CCDC125: variants seen among roughly 807,000 people sequenced by gnomAD.
The protein encoded by CCDC125 is coiled-coil domain containing 125.
In CCDC125, 43 loss-of-function variants were observed where a neutral mutation model predicts 57.4. The observed-to-expected ratio is 0.75, with a 90% CI of 0.59 to 0.97. The LOEUF (loss-of-function observed/expected upper bound fraction) is 0.97, where lower values mean the gene tolerates loss of function less well. Among genes scored for constraint, CCDC125 ranks in the 50% least tolerant of loss-of-function variants. The pLI, the probability that CCDC125 is intolerant of heterozygous loss-of-function variation, is 0.00. For synonymous variants in CCDC125, 187 were observed against 195.2 expected (o/e 0.96, Z 0.35); for missense variants, 563 against 595.7 (o/e 0.95, Z 0.57).
At chr5:69,324,684 A>C (rs1202831497) in intron 1 of CCDC125, among the ~76,000 whole-genome samples, 1 of 152,222 alleles carries the variant, frequency 6.6e-6, no homozygotes, top group Non-Finnish European at 1.5e-5. Context: ...TTTCCGATAT[A>C]TGCAATGAAT....
At chr5:69,279,499 C>G (rs1309491762), downstream of CCDC125, among the ~76,000 whole-genome samples, 3 of 152,122 alleles carry the variant, frequency 2.0e-5, no homozygotes, top group African/African-American at 7.2e-5. Context: ...CCCGGCCGCT[C>G]ATGCAGTTCT....
intron 10 of CCDC125, among the ~76,000 whole-genome samples, chr5:69,290,066 A>G (rs1255043370): frequency 6.6e-6 from 1 of 151,926 alleles, no homozygotes; most frequent in African/African-American, 2.4e-5. Context: ...TGTAGCTTCT[A>G]TGATCTGCAT....
the CCDC125 span, among the ~76,000 whole-genome samples, chr5:69,274,667 G>A: frequency 4.6e-5 from 7 of 152,198 alleles, no homozygotes. Flanking sequence ...CCAGGCTGGA[G>A]TGCAGTGGCA....
chr5:69,294,082 A>G (rs1754937537), intron 9 of CCDC125: 1 of 920,240 alleles, frequency 1.1e-6, no homozygotes. Context: ...TGGCTGGGAC[A>G]AAGGTTCCTT....
At chr5:69,313,247 G>T in intron 3 of CCDC125, 2 of 521,278 alleles carry the variant, frequency 3.8e-6, no homozygotes, top group Non-Finnish European at 7.0e-6. Context: ...CTGGGGTGAA[G>T]GGATTGCCCT....
At chr5:69,277,330 A>C, downstream of CCDC125, 1 of 432,056 alleles carries the variant, frequency 2.3e-6, no homozygotes, top group South Asian at 7.8e-5. Flanking sequence ...TTCTGATTAG[A>C]GTGCAAAAGT....
At chr5:69,326,719 T>C (rs947472761) in intron 1 of CCDC125, among the ~76,000 whole-genome samples, 2 of 152,192 alleles carry the variant, frequency 1.3e-5, no homozygotes, top group Non-Finnish European at 2.9e-5. Context: ...GTTTTGTTGT[T>C]GTTTTGTTTG....
chr5:69,308,550 T>G (rs1414536007), intron 4 of CCDC125: 1 of 192,502 alleles, frequency 5.2e-6, no homozygotes, highest in Non-Finnish European at 1.1e-5. Flanking sequence ...CCTCCCACCA[T>G]GATTCTGAGA....
chr5:69,301,926 T>TAC (rs1756527082), intron 7 of CCDC125, among the ~76,000 whole-genome samples: 1 of 141,820 alleles, frequency 7.1e-6, no homozygotes, highest in Non-Finnish European at 1.6e-5. Context: ...TAATAATATA[T>TAC]TTTTTAATTA....
chr5:69,307,935 TA>T lies in CCDC125; in HGVS notation c.531+15del. 6.3e-7 allele frequency: 1 copy of T among 1,598,448 alleles called. No individual in the cohort carries two copies. The stretch of plus-strand genomic sequence containing the variant: ...CTTATTGGATTCAATAAGTCTACAC[TA>T]AAAGCACCAAATACCTTCTCCAAGG... On this transcript the variant is annotated intron_variant, in intron 5 of 11. Transcript: ENST00000396496.
chr5:69,329,567 G>C (rs1197800907), intron 1 of CCDC125, among the ~76,000 whole-genome samples: 3 of 140,830 alleles, frequency 2.1e-5, no homozygotes, highest in African/African-American at 5.3e-5. Context: ...GCAATGGCGT[G>C]ATCACGGCTC....
In CCDC125 at chr5:69,285,484, G is replaced by A. The variant is rs756528227; in HGVS notation, c.1100-17C>T. 1.9e-6 allele frequency: 3 copies of A among 1,586,442 alleles called. No homozygotes were observed. The highest frequency in any genetic ancestry group is 2.6e-6 in the Non-Finnish European group (3 of 1,171,132). ...ATGGAAATCCTAAAATTGAACATGA[G>A]AATCCAGCTGAGACATTAAAATATC... On this transcript the variant is annotated splice_polypyrimidine_tract_variant and intron_variant, in intron 10 of 11. Transcript: ENST00000396496.
intron 2 of CCDC125, among the ~76,000 whole-genome samples, 187 bp downstream of exon 2, chr5:69,320,050 G>A (rs1283015944): frequency 6.6e-6 from 1 of 152,082 alleles, no homozygotes; most frequent in Non-Finnish European, 1.5e-5. Flanking sequence ...GAACCCGGGG[G>A]GTGGAGGTTG....
Position 69,306,094 on chromosome 5 carries a change from C to CT in CCDC125, c.617+722dup, listed in dbSNP as rs755336300. 9.8e-3 allele frequency among the ~76,000 whole-genome samples: 1,418 copies of CT among 144,864 alleles called. 27 individuals are homozygous for CT. The highest frequency in any genetic ancestry group is 0.014 in the Middle Eastern group (4 of 278). On this transcript the variant is annotated intron_variant, in intron 6 of 11. Coordinates refer to ENST00000396496, the MANE Select transcript of CCDC125 (RefSeq NM_176816.5). ...CCATCTTAACCATCTTATTTTTCAT[C>CT]TTTTTTTTTTTTAACAAGATGAGGA...
rs778982086 is a variant in CCDC125, at chr5:69,308,025, T to C, written c.457A>G (p.Ile153Val). The change falls in exon 5 of 12, where the codon ATA becomes GTA. Residue 153 changes from isoleucine to valine, a missense_variant. By Grantham distance (29) the Ile-to-Val change is conservative. Coordinates refer to ENST00000396496, the MANE Select transcript of CCDC125 (RefSeq NM_176816.5). ...GTATGACTTGTGGCTTTGCCCAGTATTGCCTAAGAAAAATAAAACTAGCAT... is the reference window on the plus strand; with the variant it reads ...GTATGACTTGTGGCTTTGCCCAGTACTGCCTAAGAAAAATAAAACTAGCAT... ...EALKILQSMA[I>V]LGKATSHTQA... is the part of the protein sequence containing the mutation. 9 of 1,612,172 alleles carry C rather than the reference T, an allele frequency of 5.6e-6. No individual in the cohort carries two copies. Among genetic ancestry groups the C allele is most frequent in the South Asian group, 2.2e-5 (2 of 91,042 alleles).
intron 6 of CCDC125, among the ~76,000 whole-genome samples, chr5:69,305,291 G>A (rs1471248778): frequency 6.6e-6 from 1 of 152,064 alleles, no homozygotes; most frequent in Non-Finnish European, 1.5e-5. Flanking sequence ...TCAGGTCCCT[G>A]TAGCCTCTAC....
At chr5:69,318,294 T>A (rs2150581427) in intron 2 of CCDC125, among the ~76,000 whole-genome samples, 1 of 151,880 alleles carries the variant, frequency 6.6e-6, no homozygotes, top group South Asian at 2.1e-4. Flanking sequence ...AAATTTCTTT[T>A]AAATTAGCCG....
Position 69,332,658 on chromosome 5 carries a change from C to G in CCDC125, c.-50G>C, listed in dbSNP as rs948898473. 6.6e-6 allele frequency: 1 copy of G among 152,388 alleles called. No homozygotes were observed. Among genetic ancestry groups the G allele is most frequent in the African/African-American group, 2.4e-5 (1 of 41,478 alleles). 9.4% of individuals were successfully genotyped at this position (152,388 alleles called of 1,614,324 possible). Reference sequence around the variant, plus strand: ...CACTCCCGGTTCCCACCTGCCAGGTCTGACCCCGGGTACCCTCTCAAGGTC... The same window carrying G: ...CACTCCCGGTTCCCACCTGCCAGGTGTGACCCCGGGTACCCTCTCAAGGTC... On this transcript the variant is annotated 5_prime_UTR_variant, in exon 1 of 12. Coordinates refer to ENST00000396496, the MANE Select transcript of CCDC125 (RefSeq NM_176816.5).
At chr5:69,320,786 GGTGT>G (rs145801965) in intron 1 of CCDC125, among the ~76,000 whole-genome samples, 55 of 148,292 alleles carry the variant, frequency 3.7e-4, no homozygotes, top group African/African-American at 7.1e-4. Context: ...TATGGTGTGG[GGTGT>G]GTGTGTGTGT....
Sources: allele counts gnomAD v4.1 joint callset (sites outside exome capture counted in the v4.1 genomes callset), GRCh38; gene constraint gnomAD v4.1.1; transcripts MANE v1.5; gene names NCBI Gene and HGNC (gene_info 2026-07-23, HGNC 2026-07-21).